The following SVEP1 variants were observed in gnomAD, a reference collection of about 807,000 sequenced individuals.
SVEP1 encodes the protein sushi, von Willebrand factor type A, EGF and pentraxin domain-containing protein 1.
Under a neutral mutation model 367.3 loss-of-function variants are expected in SVEP1, and 164 were observed. The ratio of observed to expected loss-of-function variants is 0.45; its 90% CI spans 0.39 to 0.51. SVEP1 has a LOEUF of 0.51. Ranked by LOEUF, SVEP1 falls within the 20% of genes least tolerant of loss-of-function variation. The pLI, the probability that SVEP1 is intolerant of heterozygous loss-of-function variation, is 0.00. For synonymous variants in SVEP1, 1,666 were observed against 1,611.6 expected (o/e 1.03, Z -0.81); for missense variants, 4,117 against 4,425.3 (o/e 0.93, Z 1.98).
At chr9:110,489,913 T>C (rs2118725984) in intron 8 of SVEP1, 134 bp from the exon 9 acceptor site, 1 of 1,114,836 alleles carries the variant, frequency 9.0e-7, no homozygotes. Context: ...CACAGCTTTC[T>C]GGCATATTTC....
intron 36 of SVEP1, among the ~76,000 whole-genome samples, chr9:110,416,723 T>TCATAGC: frequency 6.6e-6 from 1 of 152,134 alleles, no homozygotes; most frequent in Admixed American, 6.5e-5. Context: ...AGCAAAACAC[T>TCATAGC]AAAACAACAA....
chr9:110,390,309 GTATGTGTA>G (rs1827628946), intron 40 of SVEP1, among the ~76,000 whole-genome samples: 1 of 47,212 alleles, frequency 2.1e-5, no homozygotes, highest in African/African-American at 8.6e-5. Flanking sequence ...ACTTATATAA[GTATGTGTA>G]TATATACTTA....
intron 1 of SVEP1, among the ~76,000 whole-genome samples, chr9:110,576,201 G>C (rs1830625060): frequency 1.3e-5 from 2 of 151,680 alleles, no homozygotes; most frequent in Non-Finnish European, 2.9e-5. Flanking sequence ...GTTTGTAACA[G>C]CCTAAATACA....
At chr9:110,368,841 TTGAGA>T (rs1395427695) in intron 47 of SVEP1, among the ~76,000 whole-genome samples, 1 of 152,192 alleles carries the variant, frequency 6.6e-6, no homozygotes, top group Admixed American at 6.5e-5. Context: ...TGGCATATAC[TTGAGA>T]TGATGTGAGG....
intron 1 of SVEP1, among the ~76,000 whole-genome samples, chr9:110,550,566 C>A (rs1400663906): frequency 6.6e-6 from 1 of 152,018 alleles, no homozygotes; most frequent in Non-Finnish European, 1.5e-5. Flanking sequence ...TGGTCATACA[C>A]CAAAATCCTA....
chr9:110,451,508 C>T (rs1421477144), intron 22 of SVEP1, 106 bp from the exon 23 acceptor site: 1 of 669,236 alleles, frequency 1.5e-6, no homozygotes, highest in African/African-American at 1.8e-5. Context: ...AATTGGAAAT[C>T]ATGGCTAACA....
At chr9:110,543,004 AT>A (rs1428615927) in intron 3 of SVEP1, among the ~76,000 whole-genome samples, 3 of 149,242 alleles carry the variant, frequency 2.0e-5, no homozygotes, top group African/African-American at 4.9e-5. Flanking sequence ...AATAAAAAAA[AT>A]AAAGGGGCTC....
chr9:110,444,730 G>C (rs1828563535), intron 26 of SVEP1, among the ~76,000 whole-genome samples: 3 of 151,940 alleles, frequency 2.0e-5, no homozygotes, highest in Non-Finnish European at 1.5e-5. Flanking sequence ...CATCTTATCA[G>C]ATCCTGTTTA....
At chr9:110,575,798 C>A (rs375812858) in intron 1 of SVEP1, among the ~76,000 whole-genome samples, 1 of 151,166 alleles carries the variant, frequency 6.6e-6, no homozygotes, top group Admixed American at 6.6e-5. Context: ...AAGAGAGCCA[C>A]CCCCAGTTAA....
At chr9:110,376,338 T>C (rs964767669) in intron 45 of SVEP1, among the ~76,000 whole-genome samples, 2 of 152,164 alleles carry the variant, frequency 1.3e-5, no homozygotes, top group African/African-American at 4.8e-5. Flanking sequence ...TTACTAAGTC[T>C]TTGGACTCTT....
intron 8 of SVEP1, among the ~76,000 whole-genome samples, chr9:110,493,215 G>A (rs936449764): frequency 2.0e-5 from 3 of 152,026 alleles, no homozygotes; most frequent in African/African-American, 7.2e-5. Flanking sequence ...AGGGGTTGGG[G>A]AGGGGGTGGT....
intron 35 of SVEP1, among the ~76,000 whole-genome samples, 185 bp from the exon 36 acceptor site, chr9:110,427,943 G>C (rs903825885): frequency 6.6e-6 from 1 of 152,172 alleles, no homozygotes; most frequent in Admixed American, 6.5e-5. Flanking sequence ...TACACCATTT[G>C]AAACAATGAA....
chr9:110,466,044 A>G lies in SVEP1; in HGVS notation c.3161-18T>C. The G allele has an allele frequency of 6.2e-7, 1 of 1,606,032 alleles. No homozygotes were observed. Among genetic ancestry groups the G allele is most frequent in the Non-Finnish European group, 8.5e-7 (1 of 1,174,288 alleles). Reference sequence around the variant, plus strand: ...ACACTGAGCTGAAAAGAAAAAGGTAATATTACTATCAATAATGATATTAAG... The same window carrying G: ...ACACTGAGCTGAAAAGAAAAAGGTAGTATTACTATCAATAATGATATTAAG... On this transcript the variant is annotated intron_variant, in intron 17 of 47. Coordinates refer to ENST00000374469, the MANE Select transcript of SVEP1 (RefSeq NM_153366.4).
chr9:110,376,177 ACTCAGATCTGCTGATCT>A (rs1827348027), intron 45 of SVEP1, among the ~76,000 whole-genome samples: 1 of 152,188 alleles, frequency 6.6e-6, no homozygotes, highest in Non-Finnish European at 1.5e-5. Flanking sequence ...TCAGGTACCA[ACTCAGATCTGCTGATCT>A]CCCAGATGAT....
intron 1 of SVEP1, among the ~76,000 whole-genome samples, chr9:110,563,553 T>C (rs1228210596): frequency 1.3e-5 from 2 of 152,214 alleles, no homozygotes; most frequent in Non-Finnish European, 2.9e-5. Context: ...CAAATTTATT[T>C]GCCAAATTCA....
intron 47 of SVEP1, 56 bp from the exon 48 acceptor site, chr9:110,366,616 G>A (rs1367231826): frequency 5.4e-5 from 81 of 1,489,976 alleles, no homozygotes; most frequent in Non-Finnish European, 6.9e-5. Flanking sequence ...TTGAACTGAA[G>A]AGCTAACATC....
chr9:110,523,740 C>T (rs1411610877), intron 3 of SVEP1, among the ~76,000 whole-genome samples: 1 of 151,886 alleles, frequency 6.6e-6, no homozygotes, highest in Admixed American at 6.6e-5. Context: ...GTGCTAAATG[C>T]GTGCATTAGA....
In SVEP1 at chr9:110,445,855, A is replaced by G; in HGVS notation, c.4445T>C (p.Leu1482Pro). 6.2e-7 allele frequency: 1 copy of G among 1,613,846 alleles called. No homozygotes were observed. The highest frequency in any genetic ancestry group is 8.5e-7 in the Non-Finnish European group (1 of 1,179,772). The change falls in exon 26 of 48, where the codon CTC (leucine) becomes CCC (proline). Residue 1482 changes from leucine to proline, a missense_variant. Around this residue, in one of 4 missense-constraint regions of SVEP1, gnomAD observed 2,174 missense variants for 2,494.3 expected, o/e 0.87. Transcript: ENST00000374469. The part of the protein sequence containing the change: ...AVDNGSDNTL[L>P]LTDYNGWVLY... ...TGCTTACCCGTTATAATCAGTCAGG[A>G]GCAAGGTATTGTCGCTGCCGTTATC...
At chr9:110,501,625 T>C (rs1477125010) in intron 6 of SVEP1, among the ~76,000 whole-genome samples, 1 of 152,130 alleles carries the variant, frequency 6.6e-6, no homozygotes, top group East Asian at 1.9e-4. Context: ...TGTGAGCATA[T>C]TTTTCTTTTG....
Sources: gnomAD v4.1 joint callset for allele counts (sites outside exome capture counted in the v4.1 genomes callset) on GRCh38, gnomAD v4.1.1 for gene constraint, gnomAD v4.1.1 regional missense constraint, MANE v1.5 for transcripts, NCBI Gene and HGNC (gene_info 2026-07-23, HGNC 2026-07-21) for gene names.